Variants in COQ3 observed in about 807,000 individuals in gnomAD.
COQ3 encodes the protein coenzyme Q3, methyltransferase.
COQ3 carries 29 observed loss-of-function variants against 33.1 expected under a neutral mutation model. The ratio of observed to expected loss-of-function variants is 0.88; its 90% CI spans 0.65 to 1.19. The LOEUF (loss-of-function observed/expected upper bound fraction) is 1.19. Among genes scored for constraint, COQ3 ranks in the 50% most tolerant of loss-of-function variants. The pLI is 0.00. For synonymous variants in COQ3, 173 were observed against 157.8 expected (o/e 1.10, Z -0.72); for missense variants, 437 against 430.7 (o/e 1.01, Z -0.13).
chr6:99,378,575 G>A (rs911680417), intron 3 of COQ3, among the ~76,000 whole-genome samples: 4 of 152,102 alleles, frequency 2.6e-5, no homozygotes, highest in Non-Finnish European at 4.4e-5. Flanking sequence ...TCAGAATCAC[G>A]TAAAGTTTGC....
chr6:99,387,312 A>G lies in COQ3; in HGVS notation c.107-3488T>C, dbSNP rs556802432. ...GAAAAACTTAAAAAATTAGCCAGGT[A>G]TAGTGGTGTGCACCCATGGTCCTTG... On this transcript the variant is annotated intron_variant, in intron 1 of 6. Transcript: ENST00000254759. 1.9e-4 allele frequency among the ~76,000 whole-genome samples: 29 copies of G among 152,230 alleles called. No homozygotes were observed. The South Asian group carries it at 2.1e-3, about 11-fold the overall frequency.
chr6:99,392,117 C>G (rs761105081), intron 1 of COQ3, among the ~76,000 whole-genome samples: 1 of 152,146 alleles, frequency 6.6e-6, no homozygotes, highest in Non-Finnish European at 1.5e-5. Flanking sequence ...TCCTTCTCTA[C>G]CTTGAATCTG....
intron 4 of COQ3, among the ~76,000 whole-genome samples, chr6:99,376,935 C>T (rs1774299432): frequency 6.6e-6 from 1 of 150,990 alleles, no homozygotes; most frequent in African/African-American, 2.4e-5. Flanking sequence ...TGCACTCTAG[C>T]CTGGGCAACA....
chr6:99,389,136 G>T (rs368032032), intron 1 of COQ3, among the ~76,000 whole-genome samples: 1 of 151,920 alleles, frequency 6.6e-6, no homozygotes, highest in Non-Finnish European at 1.5e-5. Flanking sequence ...TTTGTTTTTG[G>T]GGGGAATAGG....
At position 99,371,477 on chromosome 6, in the gene COQ3, T is replaced by C. The variant is rs757301529; in HGVS notation, c.840A>G (p.Thr280=). Reference sequence around the variant, plus strand: ...TTTCAGGTGAAACAAACTTCTCCCATGTATGAGTACCTTTTGGTACAATAC... The same window carrying C: ...TTTCAGGTGAAACAAACTTCTCCCACGTATGAGTACCTTTTGGTACAATAC... ...IASIVPKGTH[T]WEKFVSPETL... Residue 280 remains threonine, a synonymous_variant, in exon 6 of 7, where the codon ACA becomes ACG. Transcript: ENST00000254759. 3 of 1,605,760 alleles carry C rather than the reference T, an allele frequency of 1.9e-6. No individual in the cohort carries two copies. Among genetic ancestry groups the C allele is most frequent in the Non-Finnish European group, 2.6e-6 (3 of 1,176,068 alleles).
Position 99,376,195 on chromosome 6 carries a change from A to C in COQ3, c.487-13T>G. The C allele has an allele frequency of 1.2e-6, 2 of 1,610,194 alleles. No homozygotes were observed. Among genetic ancestry groups the C allele is most frequent in the Non-Finnish European group, 1.7e-6 (2 of 1,178,454 alleles). ...GCCGCCCTAGAGGCTAATGGCATTA[A>C]AAAAACTGTTACCCTCAGGAAGAAA... On this transcript the variant is annotated splice_polypyrimidine_tract_variant and intron_variant, in intron 4 of 6. Transcript: ENST00000254759.
chr6:99,380,804 G>A (rs1327243337), intron 2 of COQ3, among the ~76,000 whole-genome samples: 1 of 152,108 alleles, frequency 6.6e-6, no homozygotes, highest in Non-Finnish European at 1.5e-5. Context: ...CTACTCAGGA[G>A]GCTGAGGCAG....
chr6:99,388,840 C>A (rs1192765905), intron 1 of COQ3, among the ~76,000 whole-genome samples: 2 of 151,358 alleles, frequency 1.3e-5, no homozygotes, highest in African/African-American at 4.9e-5. Context: ...AAGAGCGAAA[C>A]TCCATCTCAA....
intron 2 of COQ3, among the ~76,000 whole-genome samples, chr6:99,381,902 G>T (rs1329780317): frequency 6.7e-6 from 1 of 150,358 alleles, no homozygotes; most frequent in African/African-American, 2.5e-5. Flanking sequence ...CTCCAGCCTG[G>T]GTGAAAGAGC....
rs903738838 is a variant in COQ3 at position 99,388,067 on chromosome 6, G to A, written c.107-4243C>T. Among the ~76,000 whole-genome samples the A allele has an allele frequency of 3.7e-4, 57 of 152,290 alleles. 1 individual carries two copies. Among genetic ancestry groups the A allele is most frequent in the Admixed American group, 3.2e-3 (49 of 15,306 alleles). ...TAATCCCAGCTACTCGGGAGGCTGA[G>A]GCAGGAGAATTGCTTGAACCCAGGA... On this transcript the variant is annotated intron_variant, in intron 1 of 6. Transcript: ENST00000254759.
intron 3 of COQ3, among the ~76,000 whole-genome samples, chr6:99,379,343 G>A (rs1213758356): frequency 6.6e-6 from 1 of 152,136 alleles, no homozygotes; most frequent in Non-Finnish European, 1.5e-5. Context: ...ATGGTGTCCA[G>A]TTTTCTTAAA....
intron 1 of COQ3, among the ~76,000 whole-genome samples, chr6:99,393,389 C>A (rs1005810074): frequency 6.6e-6 from 1 of 152,112 alleles, no homozygotes; most frequent in Non-Finnish European, 1.5e-5. Flanking sequence ...TTCATTATAT[C>A]CTGATCTTAG....
chr6:99,382,816 G>T (rs1027716129), intron 2 of COQ3, among the ~76,000 whole-genome samples: 1 of 152,142 alleles, frequency 6.6e-6, no homozygotes, highest in Admixed American at 6.6e-5. Context: ...AGCCGGGTGT[G>T]GTGGTGCATG....
At chr6:99,376,994 ATGTGTGTG>A (rs140372356) in intron 4 of COQ3, among the ~76,000 whole-genome samples, 4 of 138,938 alleles carry the variant, frequency 2.9e-5, no homozygotes, top group Non-Finnish European at 6.2e-5. Flanking sequence ...AATATTATGG[ATGTGTGTG>A]TGTGTGTGTG....
At chr6:99,372,075 G>C (rs989192285) in intron 5 of COQ3, among the ~76,000 whole-genome samples, 16 of 152,126 alleles carry the variant, frequency 1.1e-4, no homozygotes, top group African/African-American at 3.9e-4. Context: ...GATTAGGTTT[G>C]AACATTTTTT....
In COQ3 at chr6:99,376,142, G is replaced by A; in HGVS notation, c.527C>T (p.Pro176Leu). ...TGCTGTTTTAATGTTCTCATCCACA[G>A]GGTCGATTCCAATAACTGAAGCCCC... The part of the protein sequence containing the change: ...RLGASVIGID[P>L]VDENIKTAQC... Residue 176 changes from proline (P) to leucine (L), a missense_variant, in exon 5 of 7, where the codon CCT (proline) becomes CTT (leucine). By Grantham distance (98) the Pro-to-Leu change is moderately conservative. Transcript: ENST00000254759. 6.2e-7 allele frequency: 1 copy of A among 1,614,058 alleles called. No individual in the cohort carries two copies. Among genetic ancestry groups the A allele is most frequent in the Non-Finnish European group, 8.5e-7 (1 of 1,180,014 alleles).
intron 3 of COQ3, among the ~76,000 whole-genome samples, chr6:99,379,360 C>T (rs902202871): frequency 6.6e-6 from 1 of 152,184 alleles, no homozygotes; most frequent in African/African-American, 2.4e-5. Flanking sequence ...TAAATGTAAG[C>T]CCTGATGTAC....
intron 3 of COQ3, among the ~76,000 whole-genome samples, chr6:99,379,839 G>C (rs991169766): frequency 1.3e-5 from 2 of 150,934 alleles, no homozygotes; most frequent in African/African-American, 4.9e-5. Context: ...TGGGTGACAA[G>C]AGCAAGACTC....
In COQ3 at chr6:99,369,777, G is replaced by C; in HGVS notation, c.933C>G (p.Pro311=). The change falls in exon 7 of 7, where the codon CCC becomes CCG. Residue 311 remains proline, a synonymous_variant. Transcript: ENST00000254759. ...VQTVVGMLYN[P]FSGYWHWSEN... ...CACTCCAATGCCAGTAACCTGAGAA[G>C]GGGTTATAGAGCATTCCTACCACTG... is the stretch of plus-strand genomic sequence containing the variant. 1 of 1,613,334 alleles carries C rather than the reference G, an allele frequency of 6.2e-7. No individual in the cohort carries two copies. Among genetic ancestry groups the C allele is most frequent in the Non-Finnish European group, 8.5e-7 (1 of 1,179,608 alleles).
Sources: gnomAD v4.1 joint callset for allele counts (sites outside exome capture counted in the v4.1 genomes callset) on GRCh38, gnomAD v4.1.1 for gene constraint, MANE v1.5 for transcripts, NCBI Gene and HGNC (gene_info 2026-07-23, HGNC 2026-07-21) for gene names.